SRC: variants seen among roughly 807,000 people sequenced by gnomAD.
SRC encodes the protein SRC proto-oncogene, non-receptor tyrosine kinase, also known as proto-oncogene tyrosine-protein kinase Src.
Under a neutral mutation model 62.9 loss-of-function variants are expected in SRC, and 13 were observed. That is an observed-to-expected ratio of 0.21 (90% confidence interval 0.13 to 0.33). SRC has a LOEUF of 0.33. Among genes scored for constraint, SRC ranks in the 10% least tolerant of loss-of-function variants. The pLI is 1.00. For synonymous variants in SRC, 302 were observed against 317.5 expected (o/e 0.95, Z 0.52); for missense variants, 457 against 737.3 (o/e 0.62, Z 4.40).
chr20:37,379,335 T>C (rs74364709), intron 2 of SRC, among the ~76,000 whole-genome samples: 10,340 of 151,678 alleles, frequency 0.068, 466 homozygotes, highest in Non-Finnish European at 0.092. Context: ...ATGAGGGGGG[T>C]TGGCCCCTCT....
intron 1 of SRC, among the ~76,000 whole-genome samples, chr20:37,357,421 A>G (rs1339682057): frequency 1.3e-5 from 2 of 152,010 alleles, no homozygotes; most frequent in Non-Finnish European, 2.9e-5. Context: ...CCATCCATCC[A>G]TCCATCCATC....
At chr20:37,379,729 A>T (rs964590378) in intron 2 of SRC, among the ~76,000 whole-genome samples, 6 of 150,266 alleles carry the variant, frequency 4.0e-5, no homozygotes, top group African/African-American at 1.5e-4. Context: ...TCTCAAAAAA[A>T]AAAAATAATA....
rs761335018 is a variant in SRC at position 37,394,195 on chromosome 20, C to T, written c.471C>T (p.Thr157=). 5 of 1,614,024 alleles carry T rather than the reference C, an allele frequency of 3.1e-6. No homozygotes were observed. In the Admixed American group the frequency reaches 8.3e-5, roughly 27 times the overall value. Residue 157 remains threonine (T), a synonymous_variant, in exon 7 of 14, where the codon ACC becomes ACT. Coordinates refer to ENST00000373578, the MANE Select transcript of SRC (RefSeq NM_198291.3). ...QAEEWYFGKI[T]RRESERLLLN... ...CCAGGTGGTATTTTGGCAAGATCAC[C>T]AGACGGGAGTCAGAGCGGTTACTGC... is the stretch of plus-strand genomic sequence containing the variant.
At chr20:37,377,858 G>A (rs1206308135) in intron 2 of SRC, among the ~76,000 whole-genome samples, 2 of 152,084 alleles carry the variant, frequency 1.3e-5, no homozygotes, top group African/African-American at 4.8e-5. Context: ...TCCTTCCAGA[G>A]CTTTCTTTTT....
At chr20:37,362,829 C>T (rs550170460) in intron 1 of SRC, among the ~76,000 whole-genome samples, 8 of 152,204 alleles carry the variant, frequency 5.3e-5, no homozygotes, top group East Asian at 1.9e-4. Context: ...TGTGGGGGCT[C>T]GGAGGAGGGA....
Position 37,397,632 on chromosome 20 carries a change from A to G in SRC, c.704-67A>G. On this transcript the variant is annotated intron_variant, in intron 8 of 13. Transcript: ENST00000373578. The surrounding 1 kb of genome is among the most constrained non-coding windows in gnomAD (Gnocchi z 4.1). ...GTGCATCTGGCATGTAGGGCGACAC[A>G]CACTGAGGGGCAGGGAGGCCCCAGG... 2 of 1,474,912 alleles carry G rather than the reference A, an allele frequency of 1.4e-6. No homozygotes were observed. Among genetic ancestry groups the G allele is most frequent in the Non-Finnish European group, 1.8e-6 (2 of 1,111,456 alleles). 91.4% of individuals were successfully genotyped at this position (1,474,912 alleles called of 1,614,324 possible).
chr20:37,370,430 C>T (rs532694980), intron 2 of SRC, among the ~76,000 whole-genome samples: 5 of 152,284 alleles, frequency 3.3e-5, no homozygotes, highest in Non-Finnish European at 7.3e-5. Context: ...CAAAAATTAG[C>T]CGGCTGTGCT....
chr20:37,381,619 A>G (rs73099328), intron 2 of SRC, among the ~76,000 whole-genome samples: 1 of 152,154 alleles, frequency 6.6e-6, no homozygotes, highest in Non-Finnish European at 1.5e-5. Context: ...GTCCCCCTAT[A>G]GTGAGGAGCA....
At chr20:37,346,694 G>C (rs2069728172) in intron 1 of SRC, among the ~76,000 whole-genome samples, 1 of 152,236 alleles carries the variant, frequency 6.6e-6, no homozygotes, top group South Asian at 2.1e-4. Flanking sequence ...TCGGCAGGGC[G>C]GGCTGAGGGG....
Position 37,390,388 on chromosome 20 carries a change from C to CTT in SRC, c.351-3481_351-3480dup, listed in dbSNP as rs562064689. On this transcript the variant is annotated intron_variant, in intron 5 of 13. Coordinates refer to ENST00000373578, the MANE Select transcript of SRC (RefSeq NM_198291.3). ...CATGTTGTGCTGGGCTCTGATCTGG[C>CTT]TTTTTTTTTTTTTTTTTTTTTTTTT... is the stretch of plus-strand genomic sequence containing the variant. 1.7e-3 allele frequency among the ~76,000 whole-genome samples: 145 copies of CTT among 85,644 alleles called. 28 individuals carry two copies. The highest frequency in any genetic ancestry group is 3.7e-3 in the African/African-American group (79 of 21,562). 56.2% of individuals were successfully genotyped at this position (85,644 alleles called of 152,430 possible).
chr20:37,382,454 T>C (rs911496), intron 2 of SRC, 165 bp from the exon 3 acceptor site: 1 of 151,852 alleles, frequency 6.6e-6, no homozygotes, highest in Non-Finnish European at 1.5e-5. Flanking sequence ...TGAAAAGACT[T>C]TGGGAGGGTT....
intron 2 of SRC, among the ~76,000 whole-genome samples, chr20:37,368,947 G>A (rs560426808): frequency 6.6e-6 from 1 of 152,272 alleles, no homozygotes; most frequent in Non-Finnish European, 1.5e-5. Context: ...TTTGAGGAAG[G>A]TGTCCAGCTT....
At chr20:37,377,264 G>A (rs749256400) in intron 2 of SRC, among the ~76,000 whole-genome samples, 14 of 152,152 alleles carry the variant, frequency 9.2e-5, no homozygotes, top group Non-Finnish European at 1.6e-4. Flanking sequence ...ACTCTCACTC[G>A]TACTTTTCAG....
At chr20:37,365,815 C>T (rs2070055122) in intron 2 of SRC, among the ~76,000 whole-genome samples, 1 of 152,056 alleles carries the variant, frequency 6.6e-6, no homozygotes, top group South Asian at 2.1e-4. Flanking sequence ...AATGCCTGTG[C>T]TCAAGCAATC....
chr20:37,396,245 G>A lies in SRC; in HGVS notation c.637G>A (p.Gly213Ser), dbSNP rs2147101124. The change falls in exon 8 of 14, where the codon GGC becomes AGC. Residue 213 changes from glycine (G) to serine (S), a missense_variant. Gly to Ser is a moderately conservative substitution (Grantham distance 56, BLOSUM62 0). This residue lies in a region of SRC where 141 missense variants were observed against 198.4 expected (regional missense o/e 0.71). Transcript: ENST00000373578. The surrounding 1 kb of genome is among the most constrained non-coding windows in gnomAD (Gnocchi z 6.1). ...CTACAAGATCCGCAAGCTGGACAGC[G>A]GCGGCTTCTACATCACCTCCCGCAC... ...KHYKIRKLDS[G>S]GFYITSRTQF... The A allele has an allele frequency of 6.2e-7, 1 of 1,614,014 alleles. No individual in the cohort carries two copies. Among genetic ancestry groups the A allele is most frequent in the Non-Finnish European group, 8.5e-7 (1 of 1,179,996 alleles).
At chr20:37,399,241 C>T (rs551639393) in intron 9 of SRC, among the ~76,000 whole-genome samples, 8 of 152,258 alleles carry the variant, frequency 5.3e-5, no homozygotes, top group Admixed American at 3.3e-4. Flanking sequence ...ATGGTCTCTC[C>T]GCTGGCAGGA....
Position 37,384,451 on chromosome 20 carries a change from G to A in SRC, c.250+48G>A. On this transcript the variant is annotated intron_variant, in intron 4 of 13. Coordinates refer to ENST00000373578, the MANE Select transcript of SRC (RefSeq NM_198291.3). This position sits in a 1 kb window ranked among gnomAD's most constrained non-coding sequence, Gnocchi z 6.7. Reference sequence around the variant, plus strand: ...GTCCTCGCCCACCTGGGGCCACGGCGGGGAGGCGGCGGGGCTGTGTGCCCG... The same window carrying A: ...GTCCTCGCCCACCTGGGGCCACGGCAGGGAGGCGGCGGGGCTGTGTGCCCG... 7 of 1,300,804 alleles carry A rather than the reference G, an allele frequency of 5.4e-6. No individual in the cohort carries two copies. The highest frequency in any genetic ancestry group is 2.3e-5 in the South Asian group (1 of 43,362). 80.6% of individuals were successfully genotyped at this position (1,300,804 alleles called of 1,614,324 possible).
Position 37,397,331 on chromosome 20 carries a change from C to T in SRC, c.704-368C>T, listed in dbSNP as rs143686701. Reference sequence around the variant, plus strand: ...CTTCCAGGCCACTCCTGCTGTTGCGCGAACAGCTCTCCAGTCACATTCACA... The same window carrying T: ...CTTCCAGGCCACTCCTGCTGTTGCGTGAACAGCTCTCCAGTCACATTCACA... On this transcript the variant is annotated intron_variant, in intron 8 of 13. Transcript: ENST00000373578. The surrounding 1 kb of genome is among the most constrained non-coding windows in gnomAD (Gnocchi z 4.1). Among the ~76,000 whole-genome samples the T allele has an allele frequency of 1.0e-3, 156 of 152,322 alleles. No homozygotes were observed. Among genetic ancestry groups the T allele is most frequent in the African/African-American group, 3.4e-3 (141 of 41,576 alleles).
At chr20:37,360,054 C>T (rs147346814) in intron 1 of SRC, among the ~76,000 whole-genome samples, 1 of 152,124 alleles carries the variant, frequency 6.6e-6, no homozygotes, top group African/African-American at 2.4e-5. Context: ...TCTATCCCAT[C>T]CTATCTTGTG....
Sources: gnomAD v4.1 joint callset for allele counts (sites outside exome capture counted in the v4.1 genomes callset) on GRCh38, gnomAD v4.1.1 for gene constraint, gnomAD v4.1.1 regional missense constraint, Gnocchi (gnomAD v3.1) non-coding constraint, MANE v1.5 for transcripts, NCBI Gene and HGNC (gene_info 2026-07-23, HGNC 2026-07-21) for gene names.